Variants in CLVS1 observed in about 807,000 individuals in gnomAD.
CLVS1 encodes clavesin 1.
Under a neutral mutation model 33.1 loss-of-function variants are expected in CLVS1, and 10 were observed. That is an observed-to-expected ratio of 0.30 (90% CI 0.19 to 0.51). The LOEUF is 0.51. Ranked by LOEUF, CLVS1 falls within the 20% of genes least tolerant of loss-of-function variation. The pLI is 0.97. For synonymous variants in CLVS1, 163 were observed against 166.1 expected (o/e 0.98, Z 0.14); for missense variants, 343 against 433.4 (o/e 0.79, Z 1.85).
At chr8:61,019,317 GCA>G in the CLVS1 span, among the ~76,000 whole-genome samples, 8 of 152,162 alleles carry the variant, frequency 5.3e-5, no homozygotes, top group African/African-American at 1.4e-4. Flanking sequence ...TTAACCTGAG[GCA>G]CGCACACCTT....
chr8:61,032,100 A>T, the CLVS1 span, among the ~76,000 whole-genome samples: 2,216 of 152,278 alleles, frequency 0.015, 60 homozygotes, highest in African/African-American at 0.05. Flanking sequence ...CCCAGCCAGA[A>T]ATAGCTGGCC....
intron 3 of CLVS1, among the ~76,000 whole-genome samples, chr8:61,438,542 C>T (rs1356087781): frequency 6.6e-6 from 1 of 151,934 alleles, no homozygotes; most frequent in Admixed American, 6.6e-5. Flanking sequence ...GGGTATATAC[C>T]CAGTAATGGG....
At chr8:61,059,467 C>CATATATATATATATATATATAT (rs1437621240) in intron 1 of CLVS1, among the ~76,000 whole-genome samples, 1 of 22,560 alleles carries the variant, frequency 4.4e-5, no homozygotes, top group Non-Finnish European at 7.9e-5. Flanking sequence ...CATATACATA[C>CATATATATATATATATATATAT]ATACATACAT....
Position 61,390,515 on chromosome 8 carries a change from A to G in CLVS1, c.630+13736A>G, listed in dbSNP as rs7003576. ...GCTTTTTAATATTCACCAGCAATGT[A>G]TGAGAAAGTCTGTTTCCTGAACCCA... is the stretch of plus-strand genomic sequence containing the variant. On this transcript the variant is annotated intron_variant, in intron 3 of 5. Transcript: ENST00000325897. Among the ~76,000 whole-genome samples, 885 of 152,340 alleles carry G rather than the reference A, an allele frequency of 5.8e-3. 9 individuals are homozygous for G. The highest frequency in any genetic ancestry group is 0.021 in the African/African-American group (862 of 41,578).
At chr8:61,345,968 G>C (rs544752028) in intron 2 of CLVS1, among the ~76,000 whole-genome samples, 1 of 152,118 alleles carries the variant, frequency 6.6e-6, no homozygotes, top group East Asian at 1.9e-4. Flanking sequence ...AAACCTATAT[G>C]TGATTTTTAA....
upstream of CLVS1, among the ~76,000 whole-genome samples, chr8:61,054,685 A>G (rs908794512): frequency 1.3e-5 from 2 of 152,106 alleles, no homozygotes; most frequent in Non-Finnish European, 2.9e-5. Flanking sequence ...GTTAAAAAGG[A>G]AAGTACTTTG....
At chr8:61,232,822 G>A (rs1332268016) in intron 2 of CLVS1, among the ~76,000 whole-genome samples, 2 of 152,068 alleles carry the variant, frequency 1.3e-5, no homozygotes, top group Non-Finnish European at 2.9e-5. Flanking sequence ...TGGACAAACG[G>A]CAACAGTATT....
rs1804888733 is a variant in CLVS1 at position 61,501,327 on chromosome 8, CA to C, written c.*1786del. On this transcript the variant is annotated 3_prime_UTR_variant, in exon 6 of 6. Transcript: ENST00000325897. ...GTCAATTATTGACAACACTTTGCAA[CA>C]GTAATACCATTTCTAGCTTTTCAAT... is the stretch of plus-strand genomic sequence containing the variant. 6.6e-6 allele frequency: 1 copy of C among 152,144 alleles called. No individual in the cohort carries two copies. The highest frequency in any genetic ancestry group is 2.4e-5 in the African/African-American group (1 of 41,456). 9.4% of individuals were successfully genotyped at this position (152,144 alleles called of 1,614,324 possible).
chr8:61,440,087 C>T (rs991068253), intron 3 of CLVS1, among the ~76,000 whole-genome samples: 1 of 152,194 alleles, frequency 6.6e-6, no homozygotes, highest in Admixed American at 6.5e-5. Flanking sequence ...CTCTTTCCCT[C>T]AAATAAAGCA....
At chr8:61,139,201 T>C (rs1224693483) in intron 2 of CLVS1, among the ~76,000 whole-genome samples, 1 of 151,766 alleles carries the variant, frequency 6.6e-6, no homozygotes, top group Non-Finnish European at 1.5e-5. Context: ...TGGCGCCGGC[T>C]GCCAGCAGAG....
intron 1 of CLVS1, among the ~76,000 whole-genome samples, chr8:61,076,854 T>C (rs1272589024): frequency 6.6e-6 from 1 of 152,194 alleles, no homozygotes; most frequent in Admixed American, 6.5e-5. Context: ...CCAGAGTCCC[T>C]GCACCCATTT....
chr8:61,210,497 T>G (rs1434945532), intron 2 of CLVS1, among the ~76,000 whole-genome samples: 1 of 152,308 alleles, frequency 6.6e-6, no homozygotes, highest in East Asian at 1.9e-4. Context: ...TGCCATGTCA[T>G]GAGAGGGCCT....
chr8:60,979,929 G>A, the CLVS1 span, among the ~76,000 whole-genome samples: 8 of 152,220 alleles, frequency 5.3e-5, no homozygotes, highest in East Asian at 1.9e-4. Context: ...CTATCAGGTC[G>A]AAGTTAACAC....
chr8:61,362,699 T>C (rs550561021), intron 2 of CLVS1, among the ~76,000 whole-genome samples: 3 of 152,174 alleles, frequency 2.0e-5, no homozygotes, highest in Non-Finnish European at 4.4e-5. Context: ...CAGTTGAAGA[T>C]CACTATTAAT....
chr8:61,233,478 C>A (rs1369302836), intron 2 of CLVS1, among the ~76,000 whole-genome samples: 4 of 122,288 alleles, frequency 3.3e-5, no homozygotes, highest in Non-Finnish European at 4.9e-5. Flanking sequence ...CTTTTTGTAA[C>A]ATTTGGTTAC....
At chr8:61,306,941 C>G (rs1162977949) in intron 2 of CLVS1, among the ~76,000 whole-genome samples, 1 of 152,210 alleles carries the variant, frequency 6.6e-6, no homozygotes, top group Non-Finnish European at 1.5e-5. Context: ...GCAGACGGTC[C>G]TCTGCAAAGA....
intron 3 of CLVS1, among the ~76,000 whole-genome samples, chr8:61,436,341 A>C (rs1461830595): frequency 6.6e-6 from 1 of 152,124 alleles, no homozygotes; most frequent in East Asian, 1.9e-4. Flanking sequence ...AAGTCATCAA[A>C]ATATTTAGCT....
chr8:61,420,410 T>A (rs1815610841), intron 3 of CLVS1, among the ~76,000 whole-genome samples: 1 of 152,026 alleles, frequency 6.6e-6, no homozygotes, highest in Non-Finnish European at 1.5e-5. Flanking sequence ...CCAGACTGCC[T>A]GGCCAATATG....
chr8:61,152,780 G>A (rs771377818), intron 2 of CLVS1, among the ~76,000 whole-genome samples: 10 of 152,246 alleles, frequency 6.6e-5, no homozygotes, highest in Non-Finnish European at 1.3e-4. Context: ...TCCTAAAGGC[G>A]CTGCCTCAAA....
Sources: allele counts gnomAD v4.1 joint callset (sites outside exome capture counted in the v4.1 genomes callset), GRCh38; gene constraint gnomAD v4.1.1; transcripts MANE v1.5; gene names NCBI Gene and HGNC (gene_info 2026-07-23, HGNC 2026-07-21).